Variants in KCNQ4 observed in about 807,000 individuals in gnomAD.
KCNQ4 encodes potassium voltage-gated channel subfamily KQT member 4.
KCNQ4 carries 31 observed loss-of-function variants against 72.6 expected under a neutral mutation model. The observed-to-expected ratio is 0.43, with a 90% CI of 0.32 to 0.58. The LOEUF is 0.58. KCNQ4 is among the 20% of genes least tolerant of loss of function. The pLI is 0.08. For synonymous variants in KCNQ4, 405 were observed against 403.7 expected (o/e 1.00, Z -0.04); for missense variants, 869 against 962.6 (o/e 0.90, Z 1.29).
chr1:40,832,277 G>A (rs1648673428), intron 10 of KCNQ4, among the ~76,000 whole-genome samples: 1 of 152,216 alleles, frequency 6.6e-6, no homozygotes, highest in African/African-American at 2.4e-5. Context: ...AGGGGACCCA[G>A]CCATGCTGTT....
rs1031131945 is a variant in KCNQ4 at position 40,817,769 on chromosome 1, G to T, written c.406-395G>T. On this transcript the variant is annotated intron_variant, in intron 2 of 13. Transcript: ENST00000347132. The surrounding 1 kb of genome is among the most constrained non-coding windows in gnomAD (Gnocchi z 5.5). The stretch of plus-strand genomic sequence containing the variant: ...TCAGGACAAAATCTGCAAACTCCAC[G>T]TGTGGTGGATTTTAGGTCAGTTTTT... Among the ~76,000 whole-genome samples the T allele has an allele frequency of 6.6e-6, 1 of 152,198 alleles. No homozygotes were observed. The highest frequency in any genetic ancestry group is 2.4e-5 in the African/African-American group (1 of 41,442).
chr1:40,793,004 C>CTTTTTTTTTTTTTTTTT (rs10549805), intron 1 of KCNQ4, among the ~76,000 whole-genome samples: 1 of 109,076 alleles, frequency 9.2e-6, no homozygotes, highest in African/African-American at 3.7e-5. Flanking sequence ...TTCTTTCTTT[C>CTTTTTTTTTTTTTTTTT]TTTTTTTTTT....
At chr1:40,836,804 T>C (rs1395566811) in intron 12 of KCNQ4, among the ~76,000 whole-genome samples, 1 of 152,130 alleles carries the variant, frequency 6.6e-6, no homozygotes, top group African/African-American at 2.4e-5. Context: ...GATCAATGGA[T>C]TTAGCAACAT....
intron 10 of KCNQ4, among the ~76,000 whole-genome samples, chr1:40,831,517 G>A (rs1014985323): frequency 2.0e-5 from 3 of 152,214 alleles, no homozygotes; most frequent in African/African-American, 4.8e-5. Flanking sequence ...TCACGTGGAG[G>A]GTGGCATTTC....
At chr1:40,820,037 C>T (rs747609148) in intron 6 of KCNQ4, 52 bp downstream of exon 6, 4 of 1,553,806 alleles carry the variant, frequency 2.6e-6, no homozygotes, top group South Asian at 2.2e-5. Flanking sequence ...GGGACCTGCT[C>T]ACCCCTGTCA....
rs2148830925 is a variant in KCNQ4, at chr1:40,784,601, A to AC, written c.314+198dup. 6.6e-6 allele frequency among the ~76,000 whole-genome samples: 1 copy of AC among 151,362 alleles called. No homozygotes were observed. The highest frequency in any genetic ancestry group is 2.0e-4 in the East Asian group (1 of 5,076). ...CCTAAGCCCTGATCTCCCAGGCCTG[A>AC]CCCCTGCTTGACCTCGCTTCTGACC... is the stretch of plus-strand genomic sequence containing the variant. On this transcript the variant is annotated intron_variant, in intron 1 of 13. Transcript: ENST00000347132. This position sits in a 1 kb window ranked among gnomAD's most constrained non-coding sequence, Gnocchi z 4.1.
intron 9 of KCNQ4, 113 bp from the exon 10 acceptor site, chr1:40,830,971 G>A (rs940955326): frequency 2.8e-4 from 239 of 858,502 alleles, no homozygotes; most frequent in Middle Eastern, 6.6e-4. Context: ...TCCGCTTGGC[G>A]GGGAATCCAG....
intron 1 of KCNQ4, among the ~76,000 whole-genome samples, chr1:40,815,595 T>G (rs2148315637): frequency 6.6e-6 from 1 of 152,340 alleles, no homozygotes; most frequent in South Asian, 2.1e-4. Context: ...GACTCAGCTC[T>G]GGTCTGGAAC....
In KCNQ4 at chr1:40,819,308, C is replaced by T. The variant is rs575074610; in HGVS notation, c.709-39C>T. 2.9e-5 allele frequency: 46 copies of T among 1,612,706 alleles called. No homozygotes were observed. In the East Asian group the frequency reaches 9.1e-4, roughly 32 times the overall value. On this transcript the variant is annotated intron_variant, in intron 4 of 13. Transcript: ENST00000347132. ...AAGCCCCCCACATCTCCCAGGCAGG[C>T]ACAGCGCTCCTCACCGCGCCCCTCC...
At chr1:40,824,580 C>T (rs1419442566) in intron 9 of KCNQ4, among the ~76,000 whole-genome samples, 1 of 152,220 alleles carries the variant, frequency 6.6e-6, no homozygotes, top group Non-Finnish European at 1.5e-5. Flanking sequence ...ACTCCTCCAT[C>T]CCTGCACCCC....
intron 1 of KCNQ4, among the ~76,000 whole-genome samples, chr1:40,796,414 A>T (rs995774733): frequency 1.6e-4 from 25 of 152,132 alleles, no homozygotes; most frequent in Admixed American, 4.6e-4. Context: ...TGACACTATG[A>T]GGTAGGTACT....
chr1:40,835,972 A>G (rs1648796175), intron 12 of KCNQ4, among the ~76,000 whole-genome samples: 1 of 151,960 alleles, frequency 6.6e-6, no homozygotes, highest in African/African-American at 2.4e-5. Flanking sequence ...AAAGTCCTGT[A>G]GGCCCCTGCA....
intron 3 of KCNQ4, 81 bp downstream of exon 3, chr1:40,818,371 C>G (rs1648163208): frequency 6.3e-7 from 1 of 1,595,482 alleles, no homozygotes; most frequent in East Asian, 2.2e-5. Context: ...CCGACTCTGA[C>G]CCTGGAGACC....
intron 1 of KCNQ4, among the ~76,000 whole-genome samples, chr1:40,789,235 G>T (rs1378493797): frequency 1.3e-5 from 2 of 152,092 alleles, no homozygotes; most frequent in Non-Finnish European, 1.5e-5. Flanking sequence ...CTGACCTTGG[G>T]GTATACTGCT....
chr1:40,794,540 G>A lies in KCNQ4; in HGVS notation c.314+10133G>A, dbSNP rs1647354368. On this transcript the variant is annotated intron_variant, in intron 1 of 13. Transcript: ENST00000347132. This position sits in a 1 kb window ranked among gnomAD's most constrained non-coding sequence, Gnocchi z 4.2. The stretch of plus-strand genomic sequence containing the variant: ...ATGTCGGCATCAGGGCCAAGCCCGA[G>A]CTCTAAATGGTTCTCAGCCTCGCCA... 2.0e-5 allele frequency among the ~76,000 whole-genome samples: 3 copies of A among 152,236 alleles called. No homozygotes were observed. The highest frequency in any genetic ancestry group is 2.9e-5 in the Non-Finnish European group (2 of 68,050).
At position 40,817,469 on chromosome 1, in the gene KCNQ4, G is replaced by T; in HGVS notation, c.405+114G>T. On this transcript the variant is annotated intron_variant, in intron 2 of 13. Coordinates refer to ENST00000347132, the MANE Select transcript of KCNQ4 (RefSeq NM_004700.4). The surrounding 1 kb of genome is among the most constrained non-coding windows in gnomAD (Gnocchi z 5.5). ...TAGCACCTCTGGGCTGGGAGTCCGGGACTGAAGGGGGCTGTGTGAGGTAGC... is the reference window on the plus strand; with the variant it reads ...TAGCACCTCTGGGCTGGGAGTCCGGTACTGAAGGGGGCTGTGTGAGGTAGC... 1.4e-6 allele frequency: 1 copy of T among 707,898 alleles called. No homozygotes were observed. The highest frequency in any genetic ancestry group is 2.4e-6 in the Non-Finnish European group (1 of 420,642). 43.9% of individuals were successfully genotyped at this position (707,898 alleles called of 1,614,324 possible). A position where few individuals can be genotyped will look rare whatever the true frequency, so the allele number is the denominator to read the frequency against.
intron 1 of KCNQ4, among the ~76,000 whole-genome samples, chr1:40,802,306 C>A (rs1431614079): frequency 6.6e-6 from 1 of 151,910 alleles, no homozygotes; most frequent in Non-Finnish European, 1.5e-5. Flanking sequence ...CTCGGGGACG[C>A]GGCGGCACCT....
In KCNQ4 at chr1:40,784,646, T is replaced by C. The variant is rs531936565; in HGVS notation, c.314+239T>C. ...CTGACCTCCCCGCACCGCAACTGCT[T>C]ATTTCCATCCTGACCGCCAATCTCT... On this transcript the variant is annotated intron_variant, in intron 1 of 13. Coordinates refer to ENST00000347132, the MANE Select transcript of KCNQ4 (RefSeq NM_004700.4). This position sits in a 1 kb window ranked among gnomAD's most constrained non-coding sequence, Gnocchi z 4.1. Among the ~76,000 whole-genome samples the C allele has an allele frequency of 6.6e-6, 1 of 152,222 alleles. No individual in the cohort carries two copies. The highest frequency in any genetic ancestry group is 1.9e-4 in the East Asian group (1 of 5,160).
chr1:40,786,383 G>A (rs1388378722), intron 1 of KCNQ4, among the ~76,000 whole-genome samples: 8 of 152,162 alleles, frequency 5.3e-5, no homozygotes, highest in South Asian at 2.1e-4. Context: ...TGAAAGGACC[G>A]CCCCTTCCTC....
Sources: gnomAD v4.1 joint callset for allele counts (sites outside exome capture counted in the v4.1 genomes callset) on GRCh38, gnomAD v4.1.1 for gene constraint, Gnocchi (gnomAD v3.1) non-coding constraint, MANE v1.5 for transcripts, NCBI Gene and HGNC (gene_info 2026-07-23, HGNC 2026-07-21) for gene names.